The following NRG2 variants were observed in gnomAD, a reference collection of about 807,000 sequenced individuals.
NRG2 encodes pro-neuregulin-2, membrane-bound isoform.
In NRG2, 27 loss-of-function variants were observed where a neutral mutation model predicts 73.9. The observed-to-expected ratio is 0.37, with a 90% confidence interval of 0.27 to 0.50. The LOEUF (loss-of-function observed/expected upper bound fraction) is 0.50. Ranked by LOEUF, NRG2 falls within the 20% of genes least tolerant of loss-of-function variation. The pLI is 0.96. For synonymous variants in NRG2, 532 were observed against 541.0 expected (o/e 0.98, Z 0.23); for missense variants, 1,126 against 1,210.1 (o/e 0.93, Z 1.03).
intron 1 of NRG2, among the ~76,000 whole-genome samples, chr5:140,013,100 T>A (rs769789070): frequency 2.0e-5 from 3 of 152,230 alleles, no homozygotes; most frequent in Non-Finnish European, 4.4e-5. Flanking sequence ...GCTGTTGACC[T>A]TGTTTCCTAC....
At chr5:139,882,135 G>C (rs561092029) in intron 2 of NRG2, among the ~76,000 whole-genome samples, 1 of 152,212 alleles carries the variant, frequency 6.6e-6, no homozygotes, top group East Asian at 1.9e-4. Flanking sequence ...GGGCTGGAGA[G>C]ATGGGGGAAT....
At chr5:139,976,422 G>A (rs1010728344) in intron 1 of NRG2, among the ~76,000 whole-genome samples, 3 of 152,132 alleles carry the variant, frequency 2.0e-5, no homozygotes, top group African/African-American at 4.8e-5. Flanking sequence ...TAACTTGATG[G>A]GCAGCCACAT....
rs1326419561 is a variant in NRG2, at chr5:139,921,132, A to C, written c.701-33621T>G. Among the ~76,000 whole-genome samples the C allele has an allele frequency of 3.9e-5, 6 of 152,258 alleles. No individual in the cohort carries two copies. The South Asian group carries it at 1.2e-3, about 31-fold the overall frequency. On this transcript the variant is annotated intron_variant, in intron 1 of 9. Coordinates refer to ENST00000361474, the MANE Select transcript of NRG2 (RefSeq NM_004883.3). ...AAATGGAGAGATATTCCATGTTCAT[A>C]GACGCAAAGACTCCATGTTGTCAAG...
intron 1 of NRG2, among the ~76,000 whole-genome samples, chr5:139,971,351 G>T (rs1427965651): frequency 6.6e-6 from 1 of 152,206 alleles, no homozygotes; most frequent in African/African-American, 2.4e-5. Flanking sequence ...AGTAGGGAAA[G>T]AACTAGGTAG....
In NRG2 at chr5:139,954,779, T is replaced by C. The variant is rs1244812217; in HGVS notation, c.701-67268A>G. Among the ~76,000 whole-genome samples the C allele has an allele frequency of 6.6e-6, 1 of 152,236 alleles. No individual in the cohort carries two copies. The highest frequency in any genetic ancestry group is 1.5e-5 in the Non-Finnish European group (1 of 68,036). On this transcript the variant is annotated intron_variant, in intron 1 of 9. Coordinates refer to ENST00000361474, the MANE Select transcript of NRG2 (RefSeq NM_004883.3). The surrounding 1 kb of genome is among the most constrained non-coding windows in gnomAD (Gnocchi z 5.0). ...ATTCCCCTTTTACATTCCACTCACC[T>C]GTGAAATTGGGAGAGTAATAATGCC...
chr5:139,893,060 G>GA (rs1764321175), intron 1 of NRG2, among the ~76,000 whole-genome samples: 1 of 152,094 alleles, frequency 6.6e-6, no homozygotes, highest in African/African-American at 2.4e-5. Flanking sequence ...CACAAGTAAG[G>GA]AAAAAGAAAA....
intron 9 of NRG2, among the ~76,000 whole-genome samples, chr5:139,850,271 C>A (rs1480135424): frequency 1.6e-4 from 24 of 152,212 alleles, no homozygotes; most frequent in Admixed American, 1.6e-3. Flanking sequence ...TTTGTTCTCC[C>A]TGTTCTACAG....
intron 1 of NRG2, among the ~76,000 whole-genome samples, chr5:139,898,916 G>T (rs1472491160): frequency 6.6e-6 from 1 of 152,172 alleles, no homozygotes; most frequent in Non-Finnish European, 1.5e-5. Context: ...TGGGCACATA[G>T]CCCCTTTGCC....
At chr5:139,931,057 A>T (rs953961398) in intron 1 of NRG2, among the ~76,000 whole-genome samples, 1 of 152,212 alleles carries the variant, frequency 6.6e-6, no homozygotes, top group Non-Finnish European at 1.5e-5. Flanking sequence ...CTTTGGCACT[A>T]ACTTTGGCTT....
intron 1 of NRG2, among the ~76,000 whole-genome samples, chr5:139,923,767 G>C (rs1015649066): frequency 2.0e-5 from 3 of 152,240 alleles, no homozygotes; most frequent in Non-Finnish European, 4.4e-5. Flanking sequence ...GAGAGATGAA[G>C]AAAATCCCAA....
intron 1 of NRG2, among the ~76,000 whole-genome samples, chr5:139,978,739 C>T (rs74505169): frequency 0.08 from 12,093 of 151,972 alleles, 704 homozygotes; most frequent in African/African-American, 0.17. Flanking sequence ...TTTTATATTG[C>T]GGCACTATGT....
chr5:139,848,775 G>GCT, intron 9 of NRG2, 78 bp from the exon 10 acceptor site: 2 of 601,718 alleles, frequency 3.3e-6, no homozygotes, highest in Non-Finnish European at 2.4e-6. Flanking sequence ...GTGGGGTAGG[G>GCT]TGGGAGGGGC....
rs184793085 is a variant in NRG2, at chr5:140,005,606, G to T, written c.700+36764C>A. Among the ~76,000 whole-genome samples, 3 of 152,320 alleles carry T rather than the reference G, an allele frequency of 2.0e-5. No homozygotes were observed. In the East Asian group the frequency reaches 5.8e-4, roughly 29 times the overall value. ...GGACAGAGACAGCCATGGCAAGAGT[G>T]CTCGTGGTCGTCAAATTTTCTGCAG... On this transcript the variant is annotated intron_variant, in intron 1 of 9. Coordinates refer to ENST00000361474, the MANE Select transcript of NRG2 (RefSeq NM_004883.3).
intron 1 of NRG2, among the ~76,000 whole-genome samples, chr5:139,960,870 G>A (rs1182919212): frequency 1.3e-5 from 2 of 152,172 alleles, no homozygotes; most frequent in Admixed American, 1.3e-4. Context: ...GCATAGTCAC[G>A]GATGCAGGAG....
intron 1 of NRG2, among the ~76,000 whole-genome samples, chr5:139,893,580 G>A (rs1764357270): frequency 6.6e-6 from 1 of 152,208 alleles, no homozygotes; most frequent in South Asian, 2.1e-4. Flanking sequence ...CAAGCTGATG[G>A]CCTACACAGG....
At chr5:139,985,922 C>A (rs966962216) in intron 1 of NRG2, among the ~76,000 whole-genome samples, 2 of 152,168 alleles carry the variant, frequency 1.3e-5, no homozygotes, top group Non-Finnish European at 2.9e-5. Flanking sequence ...CAGAGTCATA[C>A]AGTGAGTCAG....
At chr5:139,908,770 C>G (rs995449437) in intron 1 of NRG2, among the ~76,000 whole-genome samples, 5 of 152,370 alleles carry the variant, frequency 3.3e-5, no homozygotes, top group East Asian at 3.9e-4. Flanking sequence ...CTCCACAGCC[C>G]TATGACTGAT....
At chr5:139,996,871 C>T (rs1302542691) in intron 1 of NRG2, among the ~76,000 whole-genome samples, 6 of 151,956 alleles carry the variant, frequency 3.9e-5, no homozygotes, top group Non-Finnish European at 4.4e-5. Flanking sequence ...TGGTGGCTCA[C>T]GCCTATAATC....
At chr5:139,952,394 G>C (rs1432235087) in intron 1 of NRG2, among the ~76,000 whole-genome samples, 2 of 152,328 alleles carry the variant, frequency 1.3e-5, no homozygotes, top group Non-Finnish European at 2.9e-5. Context: ...GGAAACAGGT[G>C]GGTGGGCAGA....
Sources: allele counts gnomAD v4.1 joint callset (sites outside exome capture counted in the v4.1 genomes callset), GRCh38; gene constraint gnomAD v4.1.1; non-coding constraint Gnocchi (gnomAD v3.1); transcripts MANE v1.5; gene names NCBI Gene and HGNC (gene_info 2026-07-23, HGNC 2026-07-21).